The following CSMD3 variants were observed in gnomAD, a reference collection of about 807,000 sequenced individuals.
CSMD3 encodes the protein CUB and sushi domain-containing protein 3.
A neutral mutation model predicts 435.2 loss-of-function variants in CSMD3; 177 were observed. The observed-to-expected ratio is 0.41, with a 90% confidence interval of 0.36 to 0.46. The LOEUF (loss-of-function observed/expected upper bound fraction) is 0.46. Ranked by LOEUF, CSMD3 falls within the 20% of genes least tolerant of loss-of-function variation. The probability of loss-of-function intolerance (pLI) is 0.34; values close to 1 mark genes in which losing one functional copy is unlikely to be tolerated. For missense variants in CSMD3, 4,265 were observed against 4,504.6 expected (o/e 0.95, Z 1.52); for synonymous variants, 1,656 against 1,520.5 (o/e 1.09, Z -2.07).
At chr8:113,158,527 G>A (rs2091977597) in intron 4 of CSMD3, among the ~76,000 whole-genome samples, 1 of 152,020 alleles carries the variant, frequency 6.6e-6, no homozygotes, top group South Asian at 2.1e-4. Context: ...CAGCTTGCAA[G>A]AATTTCTTTC....
At chr8:113,390,389 T>C (rs952983512) in intron 1 of CSMD3, among the ~76,000 whole-genome samples, 1 of 151,826 alleles carries the variant, frequency 6.6e-6, no homozygotes, top group African/African-American at 2.4e-5. Flanking sequence ...ATTGAAGAAA[T>C]ATTTTTATAC....
intron 13 of CSMD3, among the ~76,000 whole-genome samples, chr8:112,796,148 C>T (rs1424291440): frequency 1.3e-5 from 2 of 152,042 alleles, no homozygotes; most frequent in Non-Finnish European, 2.9e-5. Context: ...GGGTTTCCAG[C>T]TTTTCCTAAA....
chr8:112,838,634 A>C (rs1483985660), intron 11 of CSMD3, among the ~76,000 whole-genome samples: 1 of 151,734 alleles, frequency 6.6e-6, no homozygotes, highest in Non-Finnish European at 1.5e-5. Context: ...CCTTGGCAGG[A>C]CTGTCTTATC....
In CSMD3 at chr8:113,314,685, A is replaced by G. The variant is rs775507908; in HGVS notation, c.287T>C (p.Ile96Thr). 3 of 1,611,998 alleles carry G rather than the reference A, an allele frequency of 1.9e-6. No individual in the cohort carries two copies. In the Admixed American group the frequency reaches 5.0e-5, roughly 27 times the overall value. Residue 96 changes from isoleucine (I) to threonine (T), a missense_variant, in exon 2 of 71, where the codon ATA becomes ACA. Ile to Thr is a moderately conservative substitution (Grantham distance 89). Around this residue, in one of 3 missense-constraint regions of CSMD3, gnomAD observed 731 missense variants for 755.4 expected, o/e 0.97. Coordinates refer to ENST00000297405, the MANE Select transcript of CSMD3 (RefSeq NM_198123.2). ...PNGANCTWVI[I>T]AEERNRIQIV... ...TTGTATTCTATTTCGTTCTTCTGCT[A>G]TTATTACCCATGTGCAGTTTGCACC...
intron 1 of CSMD3, among the ~76,000 whole-genome samples, chr8:113,352,271 C>G (rs568395957): frequency 6.6e-6 from 1 of 150,704 alleles, no homozygotes; most frequent in South Asian, 2.1e-4. Context: ...CTGTAAGAAA[C>G]GGAAAAAGAG....
chr8:112,900,580 A>T (rs761686464), intron 10 of CSMD3, among the ~76,000 whole-genome samples: 1 of 151,206 alleles, frequency 6.6e-6, no homozygotes, highest in Non-Finnish European at 1.5e-5. Flanking sequence ...GTAAACTGTG[A>T]CCCAGGCACC....
chr8:112,616,895 T>G (rs1160496522), intron 22 of CSMD3, among the ~76,000 whole-genome samples: 1 of 152,148 alleles, frequency 6.6e-6, no homozygotes, highest in Admixed American at 6.6e-5. Context: ...CCTGAAAATG[T>G]ACCTTTAAGA....
intron 32 of CSMD3, among the ~76,000 whole-genome samples, chr8:112,464,606 A>G (rs1285094327): frequency 1.3e-5 from 2 of 152,162 alleles, no homozygotes; most frequent in Non-Finnish European, 2.9e-5. Context: ...GAAATACAAA[A>G]TTAAAAGAGA....
At chr8:113,007,882 T>C (rs1165995188) in intron 6 of CSMD3, among the ~76,000 whole-genome samples, 1 of 151,954 alleles carries the variant, frequency 6.6e-6, no homozygotes, top group African/African-American at 2.4e-5. Context: ...GAAAACGTAA[T>C]ATAATGGAAT....
intron 13 of CSMD3, among the ~76,000 whole-genome samples, chr8:112,745,593 T>C (rs2077408971): frequency 6.6e-6 from 1 of 152,042 alleles, no homozygotes; most frequent in Non-Finnish European, 1.5e-5. Flanking sequence ...AATATTAAAT[T>C]CAGCAATTAA....
intron 1 of CSMD3, among the ~76,000 whole-genome samples, chr8:113,368,224 C>T (rs1026972369): frequency 2.0e-5 from 3 of 152,120 alleles, no homozygotes; most frequent in African/African-American, 7.2e-5. Context: ...CTCACCTTCC[C>T]AGCTGTGTTA....
rs369829350 is a variant in CSMD3, at chr8:113,436,738, C to T, written c.117G>A (p.Gly39=). 24 of 1,614,076 alleles carry T rather than the reference C, an allele frequency of 1.5e-5. No individual in the cohort carries two copies. In the African/African-American group the frequency reaches 1.9e-4, roughly 13 times the overall value. ...TCCAAAACGTAAATCCACTTTTAAT[C>T]CCCATTTTCTTCATCAGGATGAAGT... ...RLDFILMKKM[G]IKSGFTFWNL... Residue 39 remains glycine, a synonymous_variant, in exon 1 of 71, where the codon GGG becomes GGA. Coordinates refer to ENST00000297405, the MANE Select transcript of CSMD3 (RefSeq NM_198123.2).
chr8:112,953,764 ATT>A (rs2083911010), intron 8 of CSMD3, among the ~76,000 whole-genome samples: 1 of 151,486 alleles, frequency 6.6e-6, no homozygotes, highest in East Asian at 1.9e-4. Flanking sequence ...ATAATAAATG[ATT>A]TTTGTTAAAG....
chr8:112,806,708 A>C (rs1408375890), intron 12 of CSMD3, among the ~76,000 whole-genome samples: 1 of 152,206 alleles, frequency 6.6e-6, no homozygotes, highest in Admixed American at 6.5e-5. Context: ...GTAATGAGGC[A>C]GAGAAAGGAT....
chr8:112,739,407 A>G (rs1165714632), intron 13 of CSMD3, among the ~76,000 whole-genome samples: 1 of 151,818 alleles, frequency 6.6e-6, no homozygotes, highest in Non-Finnish European at 1.5e-5. Flanking sequence ...CCATAAACCT[A>G]GAGCACCCTG....
At chr8:112,881,921 TATTG>T (rs1308647871) in intron 10 of CSMD3, among the ~76,000 whole-genome samples, 2 of 151,948 alleles carry the variant, frequency 1.3e-5, no homozygotes, top group African/African-American at 4.8e-5. Context: ...TAAAAAATAT[TATTG>T]ATTAATTCCA....
intron 1 of CSMD3, among the ~76,000 whole-genome samples, chr8:113,350,633 G>A (rs2132908638): frequency 6.6e-6 from 1 of 152,192 alleles, no homozygotes; most frequent in African/African-American, 2.4e-5. Flanking sequence ...GATTACCCAA[G>A]AGGTCTTTCT....
At chr8:112,768,171 A>T (rs2078027153) in intron 13 of CSMD3, among the ~76,000 whole-genome samples, 2 of 151,472 alleles carry the variant, frequency 1.3e-5, no homozygotes, top group Non-Finnish European at 3.0e-5. Context: ...AATATATATA[A>T]ATATAAATAA....
intron 23 of CSMD3, among the ~76,000 whole-genome samples, chr8:112,581,563 T>C (rs1461532370): frequency 2.6e-5 from 4 of 152,066 alleles, no homozygotes; most frequent in Non-Finnish European, 1.5e-5. Context: ...AAAGGAAATA[T>C]GTTTCTCTTG....
Sources: gnomAD v4.1 joint callset for allele counts (sites outside exome capture counted in the v4.1 genomes callset) on GRCh38, gnomAD v4.1.1 for gene constraint, gnomAD v4.1.1 regional missense constraint, MANE v1.5 for transcripts, NCBI Gene and HGNC (gene_info 2026-07-23, HGNC 2026-07-21) for gene names.